Variants in DTD1 observed in about 807,000 individuals in gnomAD.
DTD1 encodes the protein D-aminoacyl-tRNA deacylase 1, also known as D-tyrosyl-tRNA deacylase 1 homolog.
DTD1 carries 13 observed loss-of-function variants against 25.6 expected under a neutral mutation model. The ratio of observed to expected loss-of-function variants is 0.51; its 90% CI spans 0.33 to 0.81. DTD1 has a LOEUF of 0.81. Ranked by LOEUF, DTD1 falls within the 30% of genes least tolerant of loss-of-function variation. DTD1 has a pLI of 0.02. For missense variants in DTD1, 193 were observed against 266.4 expected (o/e 0.72, Z 1.92); for synonymous variants, 110 against 103.6 (o/e 1.06, Z -0.37).
chr20:18,760,742 A>G (rs2061358261), intron 5 of DTD1, among the ~76,000 whole-genome samples: 2 of 152,162 alleles, frequency 1.3e-5, no homozygotes, highest in Non-Finnish European at 2.9e-5. Flanking sequence ...TGCTGGGAGA[A>G]CCACTACTCT....
At chr20:18,717,679 T>C (rs1182664330) in intron 4 of DTD1, among the ~76,000 whole-genome samples, 2 of 152,350 alleles carry the variant, frequency 1.3e-5, no homozygotes, top group East Asian at 3.9e-4. Flanking sequence ...AAAGGTCAAC[T>C]GTGGTTCATC....
chr20:18,688,060 C>T (rs191932588), intron 4 of DTD1, among the ~76,000 whole-genome samples: 19 of 152,260 alleles, frequency 1.2e-4, no homozygotes, highest in African/African-American at 3.1e-4. Flanking sequence ...AAGAGTAAAA[C>T]GGAATATCTC....
At position 18,613,967 on chromosome 20, in the gene DTD1, A is replaced by G. The variant is rs73601840; in HGVS notation, c.371-14160A>G. 8.1e-4 allele frequency among the ~76,000 whole-genome samples: 123 copies of G among 152,188 alleles called. 5 individuals carry two copies. In the East Asian group the frequency reaches 0.022, roughly 27 times the overall value. On this transcript the variant is annotated intron_variant, in intron 3 of 5. Coordinates refer to ENST00000377452, the MANE Select transcript of DTD1 (RefSeq NM_080820.6). The stretch of plus-strand genomic sequence containing the variant: ...AACACCCCCACTGTTTTTCTTTTAT[A>G]TTTTACATAAAGTGTAAAAGATTGG...
intron 4 of DTD1, among the ~76,000 whole-genome samples, chr20:18,709,198 G>A (rs2061148309): frequency 6.6e-6 from 1 of 152,112 alleles, no homozygotes; most frequent in Admixed American, 6.5e-5. Flanking sequence ...CAATAAATAT[G>A]ATCACAATAA....
intron 3 of DTD1, among the ~76,000 whole-genome samples, chr20:18,627,768 C>A (rs1370874639): frequency 1.3e-5 from 2 of 152,058 alleles, no homozygotes; most frequent in South Asian, 2.1e-4. Flanking sequence ...GTGGGAGGAA[C>A]CTGGTAGGAG....
At position 18,596,056 on chromosome 20, in the gene DTD1, A is replaced by T; in HGVS notation, c.185A>T (p.His62Leu). 6.2e-7 allele frequency: 1 copy of T among 1,614,088 alleles called. No individual in the cohort carries two copies. The highest frequency in any genetic ancestry group is 8.5e-7 in the Non-Finnish European group (1 of 1,179,994). ...GTATTTGAGGATGAGAGTGGGAAGC[A>T]CTGGTCGAAGAGTGTGATGGACAAA... The part of the protein sequence containing the change: ...LRVFEDESGK[H>L]WSKSVMDKQY... Residue 62 changes from histidine (H) to leucine (L), a missense_variant, in exon 3 of 6, where the codon CAC becomes CTC. Transcript: ENST00000377452.
chr20:18,612,939 G>T (rs1437216275), intron 3 of DTD1, among the ~76,000 whole-genome samples: 3 of 152,170 alleles, frequency 2.0e-5, no homozygotes, highest in Admixed American at 6.5e-5. Context: ...GATTACAGGC[G>T]TGAGCCACTG....
At chr20:18,638,785 C>T (rs1036254096) in intron 4 of DTD1, among the ~76,000 whole-genome samples, 1 of 152,070 alleles carries the variant, frequency 6.6e-6, no homozygotes, top group Non-Finnish European at 1.5e-5. Flanking sequence ...AGTGTAGGCT[C>T]AGGATCGGGG....
chr20:18,593,860 T>C (rs1568638794), intron 2 of DTD1, 39 bp downstream of exon 2: 3 of 1,544,206 alleles, frequency 1.9e-6, no homozygotes, highest in South Asian at 1.1e-5. Context: ...GAGTGGGCTA[T>C]GTGGTGGTGG....
chr20:18,623,874 C>CTGCGTGTGTGTGTGTGTGTG (rs2060746102), intron 3 of DTD1, among the ~76,000 whole-genome samples: 1 of 143,626 alleles, frequency 7.0e-6, no homozygotes, highest in Non-Finnish European at 1.5e-5. Context: ...ACAAGAAGAA[C>CTGCGTGTGTGTGTGTGTGTG]TGTGTGTGTG....
chr20:18,692,890 ATTTTTT>A (rs34962546), intron 4 of DTD1, among the ~76,000 whole-genome samples: 1 of 112,468 alleles, frequency 8.9e-6, no homozygotes, highest in Admixed American at 1.1e-4. Flanking sequence ...CAGGACATGG[ATTTTTT>A]TTTTTTTTTT....
chr20:18,666,649 T>C (rs1167963040), intron 4 of DTD1, among the ~76,000 whole-genome samples: 1 of 152,246 alleles, frequency 6.6e-6, no homozygotes, highest in African/African-American at 2.4e-5. Context: ...ATGTTTGATT[T>C]TGAGTTTGAT....
intron 5 of DTD1, among the ~76,000 whole-genome samples, chr20:18,756,269 G>A (rs1248444110): frequency 6.6e-6 from 1 of 152,066 alleles, no homozygotes; most frequent in Non-Finnish European, 1.5e-5. Flanking sequence ...AAGCTCTTTA[G>A]TTTAATTAGA....
chr20:18,668,261 G>A (rs2060939360), intron 4 of DTD1, among the ~76,000 whole-genome samples: 1 of 152,216 alleles, frequency 6.6e-6, no homozygotes, highest in Admixed American at 6.5e-5. Context: ...GATAGCATGA[G>A]TGCTGAGTGC....
chr20:18,657,288 G>A (rs1600347718), intron 4 of DTD1, among the ~76,000 whole-genome samples: 1 of 152,032 alleles, frequency 6.6e-6, no homozygotes, highest in Non-Finnish European at 1.5e-5. Flanking sequence ...TGTAGTTCAT[G>A]CATTACTATT....
At chr20:18,692,222 T>A (rs1407058197) in intron 4 of DTD1, among the ~76,000 whole-genome samples, 1 of 152,208 alleles carries the variant, frequency 6.6e-6, no homozygotes, top group East Asian at 1.9e-4. Context: ...CTTTCATGTG[T>A]AATTAAATAT....
chr20:18,669,969 G>A (rs1402426170), intron 4 of DTD1, among the ~76,000 whole-genome samples: 1 of 152,154 alleles, frequency 6.6e-6, no homozygotes, highest in African/African-American at 2.4e-5. Flanking sequence ...TTGTCTGCAA[G>A]CGCACACCTG....
At chr20:18,715,020 T>C (rs1401052202) in intron 4 of DTD1, among the ~76,000 whole-genome samples, 1 of 152,150 alleles carries the variant, frequency 6.6e-6, no homozygotes, top group African/African-American at 2.4e-5. Context: ...GCAGGCCTTG[T>C]CCCTGCTTGT....
intron 4 of DTD1, among the ~76,000 whole-genome samples, chr20:18,735,229 C>T (rs190028780): frequency 2.0e-5 from 3 of 152,310 alleles, no homozygotes; most frequent in East Asian, 1.9e-4. Context: ...AGATTTTGCT[C>T]GTATGCAGGA....
Sources: allele counts gnomAD v4.1 joint callset (sites outside exome capture counted in the v4.1 genomes callset), GRCh38; gene constraint gnomAD v4.1.1; transcripts MANE v1.5; gene names NCBI Gene and HGNC (gene_info 2026-07-23, HGNC 2026-07-21).